Variants in FRMPD3 observed in about 807,000 individuals in gnomAD.
FRMPD3 encodes FERM and PDZ domain-containing protein 3.
Under a neutral mutation model 97.9 loss-of-function variants are expected in FRMPD3, and 42 were observed. The observed-to-expected ratio is 0.43, with a 90% CI of 0.34 to 0.55. The LOEUF (loss-of-function observed/expected upper bound fraction) is 0.55. Ranked by LOEUF, FRMPD3 falls within the 20% of genes least tolerant of loss-of-function variation. The pLI, the probability that FRMPD3 is intolerant of heterozygous loss-of-function variation, is 0.03. For synonymous variants in FRMPD3, 577 were observed against 581.1 expected (o/e 0.99, Z 0.10); for missense variants, 1,303 against 1,457.7 (o/e 0.89, Z 1.73).
intron 13 of FRMPD3, among the ~76,000 whole-genome samples, chrX:107,596,569 A>T (rs1237778066): frequency 8.9e-6 from 1 of 112,219 alleles, no homozygotes; most frequent in African/African-American, 3.2e-5. Flanking sequence ...TGACGAGAGC[A>T]TTTGCCATAT....
intron 1 of FRMPD3, among the ~76,000 whole-genome samples, chrX:107,475,446 A>G (rs976556230): frequency 8.9e-6 from 1 of 112,643 alleles, no homozygotes; most frequent in Non-Finnish European, 1.9e-5. Flanking sequence ...CTCTGAGCCA[A>G]TGAAATGTCA....
At chrX:107,600,040 C>T (rs1045677236) in intron 14 of FRMPD3, among the ~76,000 whole-genome samples, 2 of 112,081 alleles carry the variant, frequency 1.8e-5, no homozygotes, top group Non-Finnish European at 3.8e-5. Context: ...CTAAACAACA[C>T]AGTATAACAA....
chrX:107,574,290 A>G (rs1002464842), intron 12 of FRMPD3, among the ~76,000 whole-genome samples: 3 of 110,719 alleles, frequency 2.7e-5, no homozygotes, highest in Non-Finnish European at 3.8e-5. Flanking sequence ...AAAAAAAAAA[A>G]GGCAAAAAAG....
chrX:107,506,208 G>A (rs1415095054), intron 1 of FRMPD3, among the ~76,000 whole-genome samples: 2 of 112,119 alleles, frequency 1.8e-5, no homozygotes, highest in African/African-American at 6.5e-5. Flanking sequence ...ATTGTCTGAG[G>A]TAAAGAGGGA....
chrX:107,511,087 C>A (rs1602765534), intron 1 of FRMPD3, among the ~76,000 whole-genome samples: 1 of 112,317 alleles, frequency 8.9e-6, no homozygotes, highest in Admixed American at 9.4e-5. Context: ...CCTCTCTTCA[C>A]AAGTTCCCCA....
At chrX:107,572,977 A>G (rs1289121011) in intron 12 of FRMPD3, among the ~76,000 whole-genome samples, 1 of 111,060 alleles carries the variant, frequency 9.0e-6, no homozygotes, top group East Asian at 2.8e-4. Context: ...AGTGGATTCA[A>G]GTGGGTAGAA....
In FRMPD3 at chrX:107,602,131, G is replaced by A. The variant is rs1286945325; in HGVS notation, c.4092G>A (p.Ser1364=). 7.4e-6 allele frequency: 9 copies of A among 1,209,141 alleles called. No individual in the cohort carries two copies. The highest frequency in any genetic ancestry group is 1.0e-5 in the Non-Finnish European group (9 of 894,980). The change falls in exon 15 of 15, where the codon TCG becomes TCA. Residue 1364 remains serine (S), a synonymous_variant. Coordinates refer to ENST00000683843, the MANE Select transcript of FRMPD3 (RefSeq NM_001388459.1). ...GCCTGGAGTCCCGAGAGTGCCGATC[G>A]GACCCTGAGAGTGGTGTTTCGTGCC... ...STSLESRECR[S]DPESGVSCLT...
rs1423699117 is a variant in FRMPD3, at chrX:107,524,248, C to T, written c.-7-2334C>T. Among the ~76,000 whole-genome samples the T allele has an allele frequency of 3.5e-5, 4 of 112,788 alleles. No homozygotes were observed. The East Asian group carries it at 8.4e-4, about 24-fold the overall frequency. Reference sequence around the variant, plus strand: ...CCACCAGGAGCCAAAATGAAAGAGGCGCCAGCCTGTGGCCACCCTCAGAGG... The same window carrying T: ...CCACCAGGAGCCAAAATGAAAGAGGTGCCAGCCTGTGGCCACCCTCAGAGG... On this transcript the variant is annotated intron_variant, in intron 1 of 14. Coordinates refer to ENST00000683843, the MANE Select transcript of FRMPD3 (RefSeq NM_001388459.1).
At chrX:107,508,239 G>A (rs754341079) in intron 1 of FRMPD3, among the ~76,000 whole-genome samples, 10 of 112,032 alleles carry the variant, frequency 8.9e-5, no homozygotes, top group African/African-American at 3.2e-4. Context: ...TGTCCCTACA[G>A]CAAAGTGTAT....
chrX:107,529,856 CT>C (rs1203721271), intron 2 of FRMPD3, among the ~76,000 whole-genome samples: 1 of 111,820 alleles, frequency 8.9e-6, no homozygotes, highest in Non-Finnish European at 1.9e-5. Flanking sequence ...GAAGTCATTC[CT>C]TGTACCTAAG....
chrX:107,488,530 A>C (rs888078016), intron 1 of FRMPD3, among the ~76,000 whole-genome samples: 5 of 112,283 alleles, frequency 4.5e-5, no homozygotes, highest in African/African-American at 1.3e-4. Flanking sequence ...AAGTGCAGAG[A>C]AAAACATCCT....
intron 8 of FRMPD3, among the ~76,000 whole-genome samples, chrX:107,557,829 A>AT (rs1308174779): frequency 2.4e-5 from 2 of 84,135 alleles, no homozygotes; most frequent in East Asian, 8.1e-4. Flanking sequence ...ATATATATAT[A>AT]TATATATATA....
intron 1 of FRMPD3, among the ~76,000 whole-genome samples, chrX:107,458,769 G>A (rs1931418976): frequency 9.0e-6 from 1 of 111,600 alleles, no homozygotes; most frequent in Admixed American, 9.5e-5. Context: ...TAGCTATGCA[G>A]TTGGAAGCAG....
In FRMPD3 at chrX:107,601,599, C is replaced by T. The variant is rs1437175934; in HGVS notation, c.3560C>T (p.Ser1187Phe). 7.4e-6 allele frequency: 9 copies of T among 1,209,234 alleles called. No individual in the cohort carries two copies. In the South Asian group the frequency reaches 1.2e-4, roughly 17 times the overall value. The change falls in exon 15 of 15, where the codon TCT (serine) becomes TTT (phenylalanine). Residue 1187 changes from serine to phenylalanine, a missense_variant. By Grantham distance (155) the Ser-to-Phe change is radical (BLOSUM62 -2). Around this residue, in one of 3 missense-constraint regions of FRMPD3, gnomAD observed 764 missense variants for 820.2 expected, o/e 0.93. Transcript: ENST00000683843. ...AGCCGGCAGGTGAGCACCATGCCCT[C>T]TAGGAAGCTTGAAACAACTCTCAAT... ...AASRQVSTMP[S>F]RKLETTLNGA...
chrX:107,499,138 A>G (rs1921845404), intron 1 of FRMPD3, among the ~76,000 whole-genome samples: 1 of 111,887 alleles, frequency 8.9e-6, no homozygotes, highest in Non-Finnish European at 1.9e-5. Context: ...CCTGTCCTCA[A>G]CAAACTCACA....
At chrX:107,504,938 C>G (rs530573714) in intron 1 of FRMPD3, among the ~76,000 whole-genome samples, 2 of 112,105 alleles carry the variant, frequency 1.8e-5, no homozygotes, top group Non-Finnish European at 3.8e-5. Context: ...AAACAATCTC[C>G]GAGGTTTAAG....
chrX:107,597,520 C>G lies in FRMPD3; in HGVS notation c.1641C>G (p.Asn547Lys), dbSNP rs766326949. The G allele has an allele frequency of 9.9e-6, 12 of 1,208,984 alleles. No individual in the cohort carries two copies. The South Asian group carries it at 2.1e-4, about 21-fold the overall frequency. Residue 547 changes from asparagine to lysine, a missense_variant, in exon 14 of 15, where the codon AAC (asparagine) becomes AAG (lysine). This residue lies in a region of FRMPD3 where 535 missense variants were observed against 618.6 expected (regional missense o/e 0.86). Coordinates refer to ENST00000683843, the MANE Select transcript of FRMPD3 (RefSeq NM_001388459.1). The stretch of plus-strand genomic sequence containing the variant: ...AGCAGGAAAGCCGGACAGATGTCAA[C>G]GAGAACCTAATCTTCTTTGAGGAGA... ...RKEQESRTDV[N>K]ENLIFFEETR...
chrX:107,601,286 G>A lies in FRMPD3; in HGVS notation c.3247G>A (p.Gly1083Ser). The A allele has an allele frequency of 8.3e-7, 1 of 1,208,661 alleles. No homozygotes were observed. Among genetic ancestry groups the A allele is most frequent in the South Asian group, 1.8e-5 (1 of 56,568 alleles). Residue 1083 changes from glycine to serine, a missense_variant, in exon 15 of 15, where the codon GGC becomes AGC. Coordinates refer to ENST00000683843, the MANE Select transcript of FRMPD3 (RefSeq NM_001388459.1). ...VGKQATGEVA[G>S]KGGPVGGKPT... Reference sequence around the variant, plus strand: ...CAAGCAAGCTACAGGGGAGGTGGCAGGCAAAGGCGGGCCAGTGGGTGGTAA... The same window carrying A: ...CAAGCAAGCTACAGGGGAGGTGGCAAGCAAAGGCGGGCCAGTGGGTGGTAA...
chrX:107,465,220 C>G (rs1328497099), intron 1 of FRMPD3, among the ~76,000 whole-genome samples: 6 of 111,316 alleles, frequency 5.4e-5, no homozygotes, highest in Admixed American at 9.6e-5. Context: ...ACCTATAATC[C>G]CAGCACTTTG....
Sources: gnomAD v4.1 joint callset for allele counts (sites outside exome capture counted in the v4.1 genomes callset) on GRCh38, gnomAD v4.1.1 for gene constraint, gnomAD v4.1.1 regional missense constraint, MANE v1.5 for transcripts, NCBI Gene and HGNC (gene_info 2026-07-23, HGNC 2026-07-21) for gene names.